PLPP3: variants seen among roughly 807,000 people sequenced by gnomAD.
PLPP3 encodes phospholipid phosphatase 3.
PLPP3 carries 6 observed loss-of-function variants against 29.6 expected under a neutral mutation model. That is an observed-to-expected ratio of 0.20 (90% confidence interval 0.11 to 0.40). The LOEUF (loss-of-function observed/expected upper bound fraction) is 0.40, where lower values mean the gene tolerates loss of function less well. Among genes scored for constraint, PLPP3 ranks in the 10% least tolerant of loss-of-function variants. The pLI is 1.00. For missense variants in PLPP3, 308 were observed against 407.7 expected (o/e 0.76, Z 2.11); for synonymous variants, 152 against 159.7 (o/e 0.95, Z 0.36).
intron 5 of PLPP3, among the ~76,000 whole-genome samples, chr1:56,506,276 C>T (rs1011344762): frequency 1.3e-5 from 2 of 152,180 alleles, no homozygotes; most frequent in Non-Finnish European, 2.9e-5. Flanking sequence ...TACTATGTGT[C>T]CTTGGGCGTG....
At chr1:56,541,868 G>T (rs1484088585) in intron 1 of PLPP3, among the ~76,000 whole-genome samples, 2 of 151,682 alleles carry the variant, frequency 1.3e-5, no homozygotes, top group Non-Finnish European at 2.9e-5. Context: ...TCACACATGT[G>T]CTAGGTAACT....
intron 1 of PLPP3, among the ~76,000 whole-genome samples, chr1:56,561,395 C>T (rs1646127278): frequency 1.3e-5 from 2 of 152,070 alleles, no homozygotes; most frequent in East Asian, 3.9e-4. Context: ...TTATTGACCG[C>T]TGCAAACTCT....
At chr1:56,556,998 G>GAAGGAAAGAAAGAAAGA (rs1646082354) in intron 1 of PLPP3, among the ~76,000 whole-genome samples, 1 of 7,444 alleles carries the variant, frequency 1.3e-4, no homozygotes, top group Non-Finnish European at 4.1e-4. Context: ...AAGAAAGAAA[G>GAAGGAAAGAAAGAAAGA]AAAGAAAGAA....
intron 5 of PLPP3, among the ~76,000 whole-genome samples, chr1:56,509,238 T>A (rs1474007380): frequency 2.0e-5 from 3 of 152,152 alleles, no homozygotes; most frequent in Non-Finnish European, 4.4e-5. Context: ...ATCTTTACAT[T>A]GTAAATCAGG....
chr1:56,568,819 G>T (rs1646178866), intron 1 of PLPP3, among the ~76,000 whole-genome samples: 1 of 152,064 alleles, frequency 6.6e-6, no homozygotes, highest in Non-Finnish European at 1.5e-5. Context: ...TAGAGATGGG[G>T]TTTCACCATC....
At chr1:56,557,165 G>A (rs1338839139) in intron 1 of PLPP3, among the ~76,000 whole-genome samples, 5 of 151,448 alleles carry the variant, frequency 3.3e-5, no homozygotes, top group African/African-American at 1.2e-4. Flanking sequence ...GGATCATGAG[G>A]TCAAGAGATC....
intron 4 of PLPP3, among the ~76,000 whole-genome samples, chr1:56,518,391 C>T (rs1352176325): frequency 2.0e-5 from 3 of 152,068 alleles, no homozygotes; most frequent in Non-Finnish European, 4.4e-5. Context: ...CCCTCTGACA[C>T]ACAAACAGTT....
chr1:56,535,983 G>A (rs926981872), intron 2 of PLPP3, among the ~76,000 whole-genome samples: 2 of 152,130 alleles, frequency 1.3e-5, no homozygotes, highest in Admixed American at 6.5e-5. Context: ...ACATAGCTAC[G>A]AGAGGCTCTG....
At chr1:56,574,392 C>T (rs78314420) in intron 1 of PLPP3, among the ~76,000 whole-genome samples, 2,493 of 151,988 alleles carry the variant, frequency 0.016, 68 homozygotes, top group East Asian at 0.1. Context: ...TGGGCTACAG[C>T]TACAGGCTTG....
chr1:56,542,487 C>A (rs937261840), intron 1 of PLPP3, among the ~76,000 whole-genome samples: 1 of 152,060 alleles, frequency 6.6e-6, no homozygotes, highest in African/African-American at 2.4e-5. Flanking sequence ...AATCAGAGCA[C>A]CAGGAGGGGA....
At chr1:56,541,405 G>C (rs534147313) in intron 1 of PLPP3, among the ~76,000 whole-genome samples, 2 of 152,322 alleles carry the variant, frequency 1.3e-5, no homozygotes, top group African/African-American at 4.8e-5. Context: ...TTACTAAACA[G>C]TTAGTAAGTT....
chr1:56,527,226 A>C (rs60314060), intron 2 of PLPP3, among the ~76,000 whole-genome samples: 14,358 of 152,220 alleles, frequency 0.094, 1,527 homozygotes, highest in African/African-American at 0.25. Flanking sequence ...TCCTTCACTC[A>C]AGGGAAAACA....
At chr1:56,505,178 T>C (rs1021485206) in intron 5 of PLPP3, among the ~76,000 whole-genome samples, 7 of 152,344 alleles carry the variant, frequency 4.6e-5, no homozygotes, top group African/African-American at 1.7e-4. Context: ...CAAAGCATAG[T>C]ACTTAACGCA....
At chr1:56,555,165 T>C (rs1451460392) in intron 1 of PLPP3, among the ~76,000 whole-genome samples, 1 of 151,964 alleles carries the variant, frequency 6.6e-6, no homozygotes, top group Non-Finnish European at 1.5e-5. Context: ...CAGGCTTCAA[T>C]CTCAGTTAGG....
At chr1:56,550,334 G>A (rs1399032119) in intron 1 of PLPP3, among the ~76,000 whole-genome samples, 2 of 152,302 alleles carry the variant, frequency 1.3e-5, no homozygotes, top group African/African-American at 4.8e-5. Context: ...TCCAGAGGGA[G>A]GCTCTTTTGC....
At chr1:56,556,812 G>A (rs972225989) in intron 1 of PLPP3, among the ~76,000 whole-genome samples, 1 of 149,976 alleles carries the variant, frequency 6.7e-6, no homozygotes, top group East Asian at 2.0e-4. Context: ...TGTAATCCCA[G>A]CAATTTGGGA....
intron 4 of PLPP3, among the ~76,000 whole-genome samples, chr1:56,521,245 AAAAAAAAAAAAG>A (rs1482858256): frequency 6.7e-6 from 1 of 149,596 alleles, no homozygotes; most frequent in South Asian, 2.1e-4. Flanking sequence ...AAAAAAAAAA[AAAAAAAAAAAAG>A]AAGAAGAAGA....
At position 56,536,982 on chromosome 1, in the gene PLPP3, G is replaced by A. The variant is rs564827708; in HGVS notation, c.270C>T (p.Ala90=). Residue 90 remains alanine (A), a synonymous_variant, in exon 2 of 6, where the codon GCC becomes GCT. Coordinates refer to ENST00000371250, the MANE Select transcript of PLPP3 (RefSeq NM_003713.5). ...CGAGGATGGCAATGACGATCCCCAC[G>A]GCACAGAGCACAGCGTCATTTATTG... ...GETINDAVLC[A]VGIVIAILAI... is the part of the protein sequence containing the mutation. 73 of 1,613,508 alleles carry A rather than the reference G, an allele frequency of 4.5e-5. No homozygotes were observed. The highest frequency in any genetic ancestry group is 6.0e-5 in the Non-Finnish European group (71 of 1,179,766).
rs147665663 is a variant in PLPP3 at position 56,530,669 on chromosome 1, T to C, written c.298-6115A>G. ...ACCACTGTGGTTCAGGCCTCATCTT[T>C]ACCTTAATTAGAAAATTGACCAAGC... On this transcript the variant is annotated intron_variant, in intron 2 of 5. Coordinates refer to ENST00000371250, the MANE Select transcript of PLPP3 (RefSeq NM_003713.5). Among the ~76,000 whole-genome samples, 740 of 152,338 alleles carry C rather than the reference T, an allele frequency of 4.9e-3. 6 individuals are homozygous for C. Among genetic ancestry groups the C allele is most frequent in the African/African-American group, 0.017 (706 of 41,584 alleles).
Sources: gnomAD v4.1 joint callset for allele counts (sites outside exome capture counted in the v4.1 genomes callset) on GRCh38, gnomAD v4.1.1 for gene constraint, MANE v1.5 for transcripts, NCBI Gene and HGNC (gene_info 2026-07-23, HGNC 2026-07-21) for gene names.